KIRREL1: variants seen among roughly 807,000 people sequenced by gnomAD.
KIRREL1 encodes kin of IRRE-like protein 1.
A neutral mutation model predicts 83.3 loss-of-function variants in KIRREL1; 25 were observed. The observed-to-expected ratio is 0.30, with a 90% CI of 0.22 to 0.42. The LOEUF is 0.42. Ranked by LOEUF, KIRREL1 falls within the 10% of genes least tolerant of loss-of-function variation. KIRREL1 has a pLI of 1.00. For missense variants in KIRREL1, 812 were observed against 1,032.3 expected, an observed-to-expected ratio of 0.79 and a Z score of 2.92; for synonymous variants, 388 against 410.4, an observed-to-expected ratio of 0.95 and a Z score of 0.66.
chr1:158,087,911 C>T lies in KIRREL1; in HGVS notation c.767+51C>T, dbSNP rs146051679. The stretch of plus-strand genomic sequence containing the variant: ...CTCTGGGGAGTGATAAGGAAGAGTT[C>T]GGGGTTAGAGGCTGTACTGGGGAGG... On this transcript the variant is annotated intron_variant, in intron 6 of 14. Transcript: ENST00000359209. 56 of 1,605,660 alleles carry T rather than the reference C, an allele frequency of 3.5e-5. 1 individual carries two copies. In the African/African-American group the frequency reaches 3.7e-4, roughly 11 times the overall value.
intron 2 of KIRREL1, 125 bp downstream of exon 2, chr1:158,076,387 C>T: frequency 1.2e-6 from 1 of 830,316 alleles, no homozygotes; most frequent in Admixed American, 2.1e-5. Context: ...CCACAGCCTC[C>T]CCTCTGTCTC....
chr1:158,027,702 A>G (rs1199349992), intron 1 of KIRREL1, among the ~76,000 whole-genome samples: 1 of 152,262 alleles, frequency 6.6e-6, no homozygotes, highest in African/African-American at 2.4e-5. Context: ...TTTCTCAGAA[A>G]TGAGGATAAT....
chr1:158,001,681 G>A (rs1659365222), intron 1 of KIRREL1, among the ~76,000 whole-genome samples: 1 of 152,176 alleles, frequency 6.6e-6, no homozygotes, highest in Non-Finnish European at 1.5e-5. Context: ...AGCCTTACCA[G>A]ATGGGCCAGA....
Position 158,019,511 on chromosome 1 carries a change from G to A in KIRREL1, c.52+25783G>A, listed in dbSNP as rs796254868. ...CTGTTGGGGTGACTATATGGGGGTC[G>A]CATTTGGGCTGAAAGTTAAGGCCAC... On this transcript the variant is annotated intron_variant, in intron 1 of 14. Transcript: ENST00000359209. Among the ~76,000 whole-genome samples, 9 of 152,174 alleles carry A rather than the reference G, an allele frequency of 5.9e-5. 1 individual carries two copies. Among genetic ancestry groups the A allele is most frequent in the African/African-American group, 1.9e-4 (8 of 41,518 alleles).
chr1:158,011,810 AGGCAGTG>A (rs1659696520), intron 1 of KIRREL1, among the ~76,000 whole-genome samples: 1 of 152,220 alleles, frequency 6.6e-6, no homozygotes, highest in African/African-American at 2.4e-5. Flanking sequence ...GCAGGAGGCC[AGGCAGTG>A]GCCACGAGGA....
intron 1 of KIRREL1, among the ~76,000 whole-genome samples, chr1:158,049,955 C>G (rs1404438730): frequency 6.6e-6 from 1 of 152,084 alleles, no homozygotes; most frequent in Non-Finnish European, 1.5e-5. Context: ...AGCCAGAATC[C>G]ACAAGTTTTG....
In KIRREL1 at chr1:158,078,020, G is replaced by A. The variant is rs35927201; in HGVS notation, c.232G>A (p.Ala78Thr). 266 of 1,614,124 alleles carry A rather than the reference G, an allele frequency of 1.6e-4. No homozygotes were observed. In the African/African-American group the frequency reaches 2.8e-3, roughly 17 times the overall value. The change falls in exon 3 of 15, where the codon GCA (alanine) becomes ACA (threonine). Residue 78 changes from alanine to threonine, a missense_variant. Around this residue, in one of 3 missense-constraint regions of KIRREL1, gnomAD observed 472 missense variants for 626.8 expected, o/e 0.75. Coordinates refer to ENST00000359209, the MANE Select transcript of KIRREL1 (RefSeq NM_018240.7). ...GCCACGGTACCGGGTTGTGGGCTCC[G>A]CAGACGCTGGGCAGTACAACCTGGA... ...AWPRYRVVGS[A>T]DAGQYNLEIT...
intron 1 of KIRREL1, among the ~76,000 whole-genome samples, chr1:158,005,867 A>G (rs1201365553): frequency 6.6e-6 from 1 of 151,974 alleles, no homozygotes; most frequent in Non-Finnish European, 1.5e-5. Context: ...CAGGCTGTAG[A>G]GGGAGATCCA....
intron 1 of KIRREL1, among the ~76,000 whole-genome samples, chr1:158,041,447 A>G (rs1660624686): frequency 6.6e-6 from 1 of 152,170 alleles, no homozygotes; most frequent in Non-Finnish European, 1.5e-5. Context: ...TAGATTTGAG[A>G]TAAGGATTAA....
chr1:157,994,723 A>C (rs1379872502), intron 1 of KIRREL1, among the ~76,000 whole-genome samples: 1 of 152,076 alleles, frequency 6.6e-6, no homozygotes, highest in Non-Finnish European at 1.5e-5. Context: ...ACACACAGAA[A>C]TTGACACACA....
At chr1:158,013,727 C>G (rs1223566055) in intron 1 of KIRREL1, among the ~76,000 whole-genome samples, 2 of 152,222 alleles carry the variant, frequency 1.3e-5, no homozygotes, top group Non-Finnish European at 2.9e-5. Flanking sequence ...GTGTACACCT[C>G]CCGCCGACTA....
chr1:158,083,264 C>T (rs1426512975), intron 3 of KIRREL1, among the ~76,000 whole-genome samples: 3 of 152,150 alleles, frequency 2.0e-5, no homozygotes, highest in African/African-American at 7.2e-5. Flanking sequence ...GCTGTTTTTC[C>T]AGGGGATCAC....
rs559904415 is a variant in KIRREL1 at position 158,096,592 on chromosome 1, G to T, written c.*1472G>T. On this transcript the variant is annotated 3_prime_UTR_variant, in exon 15 of 15. Coordinates refer to ENST00000359209, the MANE Select transcript of KIRREL1 (RefSeq NM_018240.7). ...CCCTGACAGAGAACTTGTGCTGACC[G>T]GGAGAAGGTGGTGCGGAAGGGCACC... 2.2e-6 allele frequency: 1 copy of T among 456,972 alleles called. No homozygotes were observed. The highest frequency in any genetic ancestry group is 2.3e-5 in the Admixed American group (1 of 42,584). The allele number at this position is 456,972 out of a possible 1,614,324, so 28.3% of individuals were successfully genotyped here.
intron 1 of KIRREL1, among the ~76,000 whole-genome samples, chr1:158,034,949 T>C (rs943917379): frequency 6.6e-6 from 1 of 152,218 alleles, no homozygotes; most frequent in African/African-American, 2.4e-5. Flanking sequence ...TTAAATTCTC[T>C]CTATATTTTC....
At chr1:158,072,058 A>C (rs1044830293) in intron 1 of KIRREL1, among the ~76,000 whole-genome samples, 1 of 149,424 alleles carries the variant, frequency 6.7e-6, no homozygotes, top group Non-Finnish European at 1.5e-5. Context: ...CGCCACCACC[A>C]TATGTCAGAA....
intron 1 of KIRREL1, among the ~76,000 whole-genome samples, chr1:158,021,527 G>A (rs1381135866): frequency 3.3e-5 from 5 of 152,254 alleles, no homozygotes; most frequent in Admixed American, 3.3e-4. Context: ...CTAACATGTG[G>A]AAGTTGGGCT....
intron 2 of KIRREL1, 115 bp downstream of exon 2, chr1:158,076,377 C>A: frequency 1.1e-6 from 1 of 891,948 alleles, no homozygotes; most frequent in Non-Finnish European, 1.8e-6. Context: ...CTCCTCTGTG[C>A]CACAGCCTCC....
At chr1:158,057,489 C>G (rs1661097591) in intron 1 of KIRREL1, among the ~76,000 whole-genome samples, 1 of 152,224 alleles carries the variant, frequency 6.6e-6, no homozygotes, top group Admixed American at 6.5e-5. Context: ...ATATTCCTCT[C>G]TATTCATGCC....
At chr1:158,076,897 C>T (rs1661695514) in intron 2 of KIRREL1, among the ~76,000 whole-genome samples, 1 of 152,234 alleles carries the variant, frequency 6.6e-6, no homozygotes, top group African/African-American at 2.4e-5. Context: ...TTTGGAAAGG[C>T]TGCCTGGCAG....
Sources: allele counts gnomAD v4.1 joint callset (sites outside exome capture counted in the v4.1 genomes callset), GRCh38; gene constraint gnomAD v4.1.1; regional missense constraint gnomAD v4.1.1; transcripts MANE v1.5; gene names NCBI Gene and HGNC (gene_info 2026-07-23, HGNC 2026-07-21).